The following BRINP1 variants were observed in gnomAD, a reference collection of about 807,000 sequenced individuals.
BRINP1 encodes BMP/retinoic acid-inducible neural-specific protein 1.
A neutral mutation model predicts 72.9 loss-of-function variants in BRINP1; 17 were observed. That is an observed-to-expected ratio of 0.23 (90% CI 0.16 to 0.35). The LOEUF is 0.35. BRINP1 is among the 10% of genes least tolerant of loss of function. The pLI, the probability that BRINP1 is intolerant of heterozygous loss-of-function variation, is 1.00. For synonymous variants in BRINP1, 418 were observed against 378.5 expected, an observed-to-expected ratio of 1.10 and a Z score of -1.21; for missense variants, 850 against 1,001.6, an observed-to-expected ratio of 0.85 and a Z score of 2.04.
intron 1 of BRINP1, among the ~76,000 whole-genome samples, chr9:119,316,004 C>G (rs1157904087): frequency 6.6e-6 from 1 of 152,192 alleles, no homozygotes; most frequent in East Asian, 1.9e-4. Flanking sequence ...GGTGAAGAAG[C>G]TAATGCTGAT....
chr9:119,244,747 A>G (rs1830296839), intron 3 of BRINP1, among the ~76,000 whole-genome samples: 1 of 152,172 alleles, frequency 6.6e-6, no homozygotes, highest in East Asian at 1.9e-4. Flanking sequence ...TTTCTTGTTT[A>G]TTAAGAGAAT....
chr9:119,294,683 T>C (rs1367820681), intron 2 of BRINP1, among the ~76,000 whole-genome samples: 4 of 151,952 alleles, frequency 2.6e-5, no homozygotes, highest in African/African-American at 9.7e-5. Context: ...CTGGCCAACA[T>C]AGTAAAACCC....
At position 119,285,201 on chromosome 9, in the gene BRINP1, C is replaced by CAA. The variant is rs58381406; in HGVS notation, c.218+27935_218+27936dup. 5.9e-3 allele frequency among the ~76,000 whole-genome samples: 713 copies of CAA among 121,144 alleles called. 12 individuals carry two copies. Among genetic ancestry groups the CAA allele is most frequent in the African/African-American group, 0.019 (630 of 32,444 alleles). The allele number at this position is 121,144 out of a possible 152,430, so 79.5% of individuals were successfully genotyped here. A position where few individuals can be genotyped will look rare whatever the true frequency, so the allele number is the denominator to read the frequency against. ...ATACTAATCAAGTTCTTGCAGGCAT[C>CAA]AAAAAAAAAAAAAAAAAAAATAGGT... On this transcript the variant is annotated intron_variant, in intron 2 of 7. Transcript: ENST00000265922.
chr9:119,227,809 A>G (rs1390244212), intron 5 of BRINP1, among the ~76,000 whole-genome samples: 1 of 151,970 alleles, frequency 6.6e-6, no homozygotes, highest in East Asian at 1.9e-4. Context: ...AAGGAGACCT[A>G]TTCACTCTCT....
At chr9:119,192,517 A>G (rs1310717964) in intron 7 of BRINP1, among the ~76,000 whole-genome samples, 1 of 152,124 alleles carries the variant, frequency 6.6e-6, no homozygotes, top group Non-Finnish European at 1.5e-5. Flanking sequence ...ACTAATCATC[A>G]GAGAAGTGCA....
intron 1 of BRINP1, among the ~76,000 whole-genome samples, chr9:119,367,061 G>A (rs1831699710): frequency 6.6e-6 from 1 of 151,674 alleles, no homozygotes; most frequent in South Asian, 2.1e-4. Context: ...GCTATGTGAA[G>A]GCTTCAGCCT....
At chr9:119,294,599 C>T (rs1270762783) in intron 2 of BRINP1, among the ~76,000 whole-genome samples, 1 of 152,040 alleles carries the variant, frequency 6.6e-6, no homozygotes, top group Non-Finnish European at 1.5e-5. Flanking sequence ...GGTGCGGTGG[C>T]TTACACCTGT....
intron 1 of BRINP1, among the ~76,000 whole-genome samples, chr9:119,367,803 CAG>C (rs1831711127): frequency 6.6e-6 from 1 of 150,960 alleles, no homozygotes; most frequent in Admixed American, 6.6e-5. Context: ...AGATCTCCCT[CAG>C]TACTGAAACA....
rs771881592 is a variant in BRINP1 at position 119,208,739 on chromosome 9, G to A, written c.1125C>T (p.Asn375=). ...GLSVRCRHNP[N]HQLPRERTIQ... ...CTTACCTCTCTCTAGGCAGCTGGTGGTTGGGATTGTGGCGACAGCGTACAC... is the reference window on the plus strand; with the variant it reads ...CTTACCTCTCTCTAGGCAGCTGGTGATTGGGATTGTGGCGACAGCGTACAC... The change falls in exon 7 of 8, where the codon AAC becomes AAT. Residue 375 remains asparagine, a synonymous_variant. Coordinates refer to ENST00000265922, the MANE Select transcript of BRINP1 (RefSeq NM_014618.3). 8 of 1,613,110 alleles carry A rather than the reference G, an allele frequency of 5.0e-6. No individual in the cohort carries two copies. In the South Asian group the frequency reaches 7.7e-5, roughly 16 times the overall value.
intron 7 of BRINP1, among the ~76,000 whole-genome samples, chr9:119,178,247 A>G (rs1032376574): frequency 3.3e-5 from 5 of 152,170 alleles, no homozygotes; most frequent in African/African-American, 9.7e-5. Context: ...TGGGCCATTT[A>G]AGGGTGGGCT....
chr9:119,178,546 T>C lies in BRINP1; in HGVS notation c.1146-10322A>G, dbSNP rs561450301. ...TTCTCTCAGTAGTTATCATGGATAG[T>C]CATAAACTCTACAAGGTTCAATTGT... is the stretch of plus-strand genomic sequence containing the variant. On this transcript the variant is annotated intron_variant, in intron 7 of 7. Transcript: ENST00000265922. Among the ~76,000 whole-genome samples, 4 of 152,268 alleles carry C rather than the reference T, an allele frequency of 2.6e-5. No homozygotes were observed. In the South Asian group the frequency reaches 8.3e-4, roughly 32 times the overall value.
chr9:119,283,651 G>A (rs1427335253), intron 2 of BRINP1, among the ~76,000 whole-genome samples: 2 of 152,154 alleles, frequency 1.3e-5, no homozygotes, highest in Admixed American at 6.5e-5. Flanking sequence ...TCTTGCCTCA[G>A]CCTCCTGAGT....
rs552286498 is a variant in BRINP1, at chr9:119,222,067, T to G, written c.686-7912A>C. On this transcript the variant is annotated intron_variant, in intron 5 of 7. Coordinates refer to ENST00000265922, the MANE Select transcript of BRINP1 (RefSeq NM_014618.3). ...CATGTTTTGGCCAATGAAATATGAG[T>G]GCGAGTGATGTGTGTCTTTTCCAAA... is the stretch of plus-strand genomic sequence containing the variant. 3.5e-3 allele frequency among the ~76,000 whole-genome samples: 526 copies of G among 152,166 alleles called. 6 individuals carry two copies. Among genetic ancestry groups the G allele is most frequent in the Non-Finnish European group, 1.5e-3 (100 of 67,996 alleles).
intron 2 of BRINP1, among the ~76,000 whole-genome samples, chr9:119,269,680 G>A (rs1830588076): frequency 6.6e-6 from 1 of 152,166 alleles, no homozygotes; most frequent in African/African-American, 2.4e-5. Flanking sequence ...CAGGTGACAT[G>A]ACTTGAACAA....
intron 2 of BRINP1, among the ~76,000 whole-genome samples, chr9:119,252,572 G>T (rs989808223): frequency 5.3e-5 from 8 of 149,564 alleles, no homozygotes; most frequent in African/African-American, 1.5e-4. Context: ...GTGTGTGTGT[G>T]TATCACTTTT....
chr9:119,286,654 T>C (rs917069589), intron 2 of BRINP1, among the ~76,000 whole-genome samples: 3 of 152,238 alleles, frequency 2.0e-5, no homozygotes, highest in African/African-American at 7.2e-5. Flanking sequence ...TGTGTAGACA[T>C]AGCTGTGTAG....
At chr9:119,212,166 T>C (rs536065632) in intron 6 of BRINP1, among the ~76,000 whole-genome samples, 2 of 152,174 alleles carry the variant, frequency 1.3e-5, no homozygotes, top group Non-Finnish European at 2.9e-5. Context: ...GGTGTCGTTA[T>C]AAGACATCCA....
chr9:119,310,638 G>A (rs1432376245), intron 2 of BRINP1, among the ~76,000 whole-genome samples: 1 of 152,126 alleles, frequency 6.6e-6, no homozygotes, highest in African/African-American at 2.4e-5. Context: ...GGGAACTGGT[G>A]GAAGCTTGAG....
At chr9:119,170,776 A>G (rs9777133) in intron 7 of BRINP1, among the ~76,000 whole-genome samples, 61,236 of 122,362 alleles carry the variant, frequency 0.5, 15,900 homozygotes, top group African/African-American at 0.68. Flanking sequence ...GACTAACAGC[A>G]GATCTCTCGG....
Sources: gnomAD v4.1 joint callset for allele counts (sites outside exome capture counted in the v4.1 genomes callset) on GRCh38, gnomAD v4.1.1 for gene constraint, MANE v1.5 for transcripts, NCBI Gene and HGNC (gene_info 2026-07-23, HGNC 2026-07-21) for gene names.